DUOX2: variants seen among roughly 807,000 people sequenced by gnomAD.
DUOX2 encodes the protein NADH/NADPH thyroid oxidase p138-tox.
Under a neutral mutation model 183.3 loss-of-function variants are expected in DUOX2, and 185 were observed. The ratio of observed to expected loss-of-function variants is 1.01; its 90% CI spans 0.90 to 1.14. DUOX2 has a LOEUF of 1.14. DUOX2 is among the 50% of genes most tolerant of loss of function. DUOX2 has a pLI of 0.00. For missense variants in DUOX2, 1,999 were observed against 2,022.9 expected (o/e 0.99, Z 0.23); for synonymous variants, 788 against 812.4 (o/e 0.97, Z 0.51).
intron 15 of DUOX2, 59 bp from the exon 16 acceptor site, chr15:45,106,700 G>A: frequency 2.5e-6 from 4 of 1,610,206 alleles, no homozygotes; most frequent in Non-Finnish European, 3.4e-6. Flanking sequence ...CTCCACTGTG[G>A]CTTAGGCTAT....
chr15:45,112,636 C>T lies in DUOX2; in HGVS notation c.243G>A (p.Pro81=), dbSNP rs369158930. The change falls in exon 4 of 34, where the codon CCG becomes CCA. Residue 81 remains proline (P), a synonymous_variant. Transcript: ENST00000389039. ...GCGTGGCTGCGTTGCTGAGCCGGCGCGGGTTGGGCAGCTGCGGCTCCTCCA... is the reference window on the plus strand; with the variant it reads ...GCGTGGCTGCGTTGCTGAGCCGGCGTGGGTTGGGCAGCTGCGGCTCCTCCA... The part of the protein sequence containing the change: ...QALEEPQLPN[P]RRLSNAATRG... 2,617 of 1,612,836 alleles carry T rather than the reference C, an allele frequency of 1.6e-3. 49 individuals are homozygous for T. In the South Asian group the frequency reaches 0.021, roughly 13 times the overall value.
At position 45,105,797 on chromosome 15, in the gene DUOX2, C is replaced by G. The variant is rs988738888; in HGVS notation, c.2180G>C (p.Gly727Ala). 1 of 1,614,182 alleles carries G rather than the reference C, an allele frequency of 6.2e-7. No individual in the cohort carries two copies. The highest frequency in any genetic ancestry group is 8.5e-7 in the Non-Finnish European group (1 of 1,180,024). Reference sequence around the variant, plus strand: ...GTCCCATAGCTGCTGCACAAAGGCGCCCCGTTCCTCTTCAGAACTAAACAG... The same window carrying G: ...GTCCCATAGCTGCTGCACAAAGGCGGCCCGTTCCTCTTCAGAACTAAACAG... ...VLLFSSEEERGAFVQQLWDFC... is the reference protein window; with the variant it reads ...VLLFSSEEERAAFVQQLWDFC... Residue 727 changes from glycine (G) to alanine (A), a missense_variant, in exon 18 of 34, where the codon GGC becomes GCC. Physicochemically the swap from Gly to Ala is moderately conservative, Grantham distance 60. Transcript: ENST00000389039.
In DUOX2 at chr15:45,105,844, G is replaced by A. The variant is rs758603055; in HGVS notation, c.2149-16C>T. The A allele has an allele frequency of 1.2e-6, 2 of 1,613,782 alleles. No individual in the cohort carries two copies. Among genetic ancestry groups the A allele is most frequent in the Middle Eastern group, 1.6e-4 (1 of 6,062 alleles). The stretch of plus-strand genomic sequence containing the variant: ...ACAGCAGCACCTGGGTGGGAGGAAG[G>A]CGGCACTGACGCAGGGAGCTCGCTG... On this transcript the variant is annotated splice_polypyrimidine_tract_variant and intron_variant, in intron 17 of 33. Transcript: ENST00000389039.
In DUOX2 at chr15:45,113,608, C is replaced by T. The variant is rs201376578; in HGVS notation, c.-14-183G>A. Among the ~76,000 whole-genome samples, 18 of 152,310 alleles carry T rather than the reference C, an allele frequency of 1.2e-4. No homozygotes were observed. The East Asian group carries it at 1.4e-3, about 11-fold the overall frequency. On this transcript the variant is annotated intron_variant, in intron 1 of 33. Transcript: ENST00000389039. ...CATCCAAACGCCACTCTTTCCAGGA[C>T]AATTGGCAGCTCTGGAGGCATTGAC...
chr15:45,099,764 G>A lies in DUOX2; in HGVS notation c.3313C>T (p.Leu1105Phe), dbSNP rs139115517. 45 of 1,614,234 alleles carry A rather than the reference G, an allele frequency of 2.8e-5. No homozygotes were observed. In the African/African-American group the frequency reaches 5.7e-4, roughly 21 times the overall value. ...AAAGTCTCTCGCAGGAAGGTTATGA[G>A]GTTGCGGCACATGGTGAGCAAGATA... ...SYILLTMCRN[L>F]ITFLRETFLN... Residue 1105 changes from leucine (L) to phenylalanine (F), a missense_variant, in exon 25 of 34, where the codon CTC becomes TTC. Leu to Phe is a conservative substitution (Grantham distance 22, BLOSUM62 0). Coordinates refer to ENST00000389039, the MANE Select transcript of DUOX2 (RefSeq NM_001363711.2).
In DUOX2 at chr15:45,098,000, G is replaced by T; in HGVS notation, c.3565+9C>A. The T allele has an allele frequency of 6.2e-7, 1 of 1,613,960 alleles. No individual in the cohort carries two copies. Among genetic ancestry groups the T allele is most frequent in the Non-Finnish European group, 8.5e-7 (1 of 1,179,832 alleles). ...CTCAGACAGAACCCCCAGGTCCCAC[G>T]TTTCCTACCTGGGACGGTCTGGAAG... On this transcript the variant is annotated intron_variant, in intron 27 of 33. Coordinates refer to ENST00000389039, the MANE Select transcript of DUOX2 (RefSeq NM_001363711.2).
chr15:45,100,211 G>A lies in DUOX2; in HGVS notation c.3023C>T (p.Pro1008Leu). 2 of 1,613,792 alleles carry A rather than the reference G, an allele frequency of 1.2e-6. No individual in the cohort carries two copies. Among genetic ancestry groups the A allele is most frequent in the Non-Finnish European group, 1.7e-6 (2 of 1,179,980 alleles). The change falls in exon 24 of 34, where the codon CCC becomes CTC. Residue 1008 changes from proline to leucine, a missense_variant. Pro to Leu is a moderately conservative substitution (Grantham distance 98). This residue lies in a region of DUOX2 where 1,628 missense variants were observed against 1,608.6 expected (regional missense o/e 1.01). Transcript: ENST00000389039. ...RFGKKAAVPT[P>L]RLYTEALQEK... Reference sequence around the variant, plus strand: ...TTGCAGCGCCTCTGTGTACAGCCGGGGAGTGGGCACTGCTGCCCTATAGCA... The same window carrying A: ...TTGCAGCGCCTCTGTGTACAGCCGGAGAGTGGGCACTGCTGCCCTATAGCA...
At chr15:45,094,794 C>G in intron 32 of DUOX2, 103 bp from the exon 33 acceptor site, 2 of 1,596,742 alleles carry the variant, frequency 1.3e-6, no homozygotes, top group Non-Finnish European at 1.7e-6. Context: ...GGGGAGGGAG[C>G]TGGAGGCTGA....
chr15:45,101,968 G>C lies in DUOX2; in HGVS notation c.2676C>G (p.Asn892Lys). Residue 892 changes from asparagine to lysine, a missense_variant, in exon 21 of 34, where the codon AAC becomes AAG. Physicochemically the swap from Asn to Lys is moderately conservative, Grantham distance 94. Around this residue, in one of 3 missense-constraint regions of DUOX2, gnomAD observed 1,628 missense variants for 1,608.6 expected, o/e 1.01. Coordinates refer to ENST00000389039, the MANE Select transcript of DUOX2 (RefSeq NM_001363711.2). Reference sequence around the variant, plus strand: ...CCAGCTGGGCCTTGGACAGGCAGTTGTTGGAGATCTCGATGAAGGATCTGG... The same window carrying C: ...CCAGCTGGGCCTTGGACAGGCAGTTCTTGGAGATCTCGATGAAGGATCTGG... ...TMMRSFIEIS[N>K]NCLSKAQLAE... 1 of 1,614,228 alleles carries C rather than the reference G, an allele frequency of 6.2e-7. No homozygotes were observed. Among genetic ancestry groups the C allele is most frequent in the South Asian group, 1.1e-5 (1 of 91,084 alleles).
chr15:45,111,466 G>A lies in DUOX2; in HGVS notation c.633C>T (p.Phe211=), dbSNP rs35157799. 1.1e-3 allele frequency: 1,637 copies of A among 1,549,276 alleles called. 27 individuals carry two copies. Among genetic ancestry groups the A allele is most frequent in the African/African-American group, 7.0e-3 (506 of 72,350 alleles). The change falls in exon 6 of 34, where the codon TTC becomes TTT. Residue 211 remains phenylalanine, a synonymous_variant. Coordinates refer to ENST00000389039, the MANE Select transcript of DUOX2 (RefSeq NM_001363711.2). ...GCAGGGGGTTCTGCGAGTCTCGGGG[G>A]AAAGCGGGGTCGGGCCCCGACGCCA... The part of the protein sequence containing the change: ...GQLASGPDPA[F]PRDSQNPLLM...
At position 45,093,041 on chromosome 15, in the gene DUOX2, C is replaced by T. The variant is rs984267399; in HGVS notation, c.*1109G>A. 4.6e-5 allele frequency: 7 copies of T among 152,274 alleles called. No homozygotes were observed. Among genetic ancestry groups the T allele is most frequent in the African/African-American group, 1.7e-4 (7 of 41,542 alleles). The allele number at this position is 152,274 out of a possible 1,614,324, so 9.4% of individuals were successfully genotyped here. ...AACATGTACATGATTATTTATTATA[C>T]CTCGATGTAAAATATTTTACAGCTC... is the stretch of plus-strand genomic sequence containing the variant. On this transcript the variant is annotated 3_prime_UTR_variant, in exon 34 of 34. Transcript: ENST00000389039.
At chr15:45,106,446 T>A in intron 16 of DUOX2, 82 bp downstream of exon 16, 1 of 1,588,832 alleles carries the variant, frequency 6.3e-7, no homozygotes. Flanking sequence ...TTCCTCTCAC[T>A]CTGTAACTTG....
intron 21 of DUOX2, 78 bp from the exon 22 acceptor site, chr15:45,101,352 C>A (rs527891359): frequency 3.4e-5 from 43 of 1,282,640 alleles, no homozygotes; most frequent in East Asian, 1.4e-4. Context: ...GCCCTCCTCC[C>A]TTCTGGGAAA....
At chr15:45,100,890 C>A (rs750118317) in intron 22 of DUOX2, 52 bp from the exon 23 acceptor site, 30 of 1,343,038 alleles carry the variant, frequency 2.2e-5, no homozygotes, top group South Asian at 1.1e-4. Context: ...GCCAGGAGAA[C>A]AACTCCCTGG....
chr15:45,109,502 C>G (rs765939722), intron 11 of DUOX2, 22 bp downstream of exon 11: 29 of 1,611,512 alleles, frequency 1.8e-5, no homozygotes, highest in Admixed American at 1.0e-4. Flanking sequence ...TTACCATCCA[C>G]CCCTTCTGGC....
intron 26 of DUOX2, 45 bp from the exon 27 acceptor site, chr15:45,098,103 G>T (rs1893957244): frequency 4.5e-6 from 7 of 1,571,370 alleles, no homozygotes; most frequent in Admixed American, 1.7e-5. Context: ...GGCAGGAGGG[G>T]CTCCAGCACT....
rs562595411 is a variant in DUOX2 at position 45,110,652 on chromosome 15, G to A, written c.941C>T (p.Thr314Ile). 2 of 1,613,014 alleles carry A rather than the reference G, an allele frequency of 1.2e-6. No homozygotes were observed. Among genetic ancestry groups the A allele is most frequent in the African/African-American group, 2.7e-5 (2 of 75,006 alleles). Residue 314 changes from threonine to isoleucine, a missense_variant and splice_region_variant, in exon 8 of 34, where the codon ACA becomes ATA. This residue lies in a region of DUOX2 where 1,628 missense variants were observed against 1,608.6 expected (regional missense o/e 1.01). Transcript: ENST00000389039. ...GTCCTCCTTCCCCGCTCCCTCACCTGTATACTCCGGGAGTGTTTTCTGCAG... is the reference window on the plus strand; with the variant it reads ...GTCCTCCTTCCCCGCTCCCTCACCTATATACTCCGGGAGTGTTTTCTGCAG... ...SFLQKTLPEY[T>I]GYRPFLDPSI...
At chr15:45,112,041 GCCAAAAGACAGAGGTC>G in intron 4 of DUOX2, 86 bp from the exon 5 acceptor site, 1 of 1,527,832 alleles carries the variant, frequency 6.5e-7, no homozygotes, top group Non-Finnish European at 8.9e-7. Context: ...GTCCTCAGGA[GCCAAAAGACAGAGGTC>G]CCAGTGCCAG....
Position 45,108,870 on chromosome 15 carries a change from G to C in DUOX2, c.1317C>G (p.Pro439=), listed in dbSNP as rs755292404. The C allele has an allele frequency of 5.6e-6, 9 of 1,614,214 alleles. No individual in the cohort carries two copies. In the Admixed American group the frequency reaches 1.5e-4, roughly 27 times the overall value. ...AGGCCAGCAGGGCCTGGCTATAGCT[G>C]GGCAGCCCCATATCTCGGCCACGTT... ...SIQRGRDMGL[P]SYSQALLAFG... is the part of the protein sequence containing the mutation. The change falls in exon 12 of 34, where the codon CCC becomes CCG. Residue 439 remains proline (P), a synonymous_variant. Transcript: ENST00000389039.
Sources: gnomAD v4.1 joint callset for allele counts (sites outside exome capture counted in the v4.1 genomes callset) on GRCh38, gnomAD v4.1.1 for gene constraint, gnomAD v4.1.1 regional missense constraint, MANE v1.5 for transcripts, NCBI Gene and HGNC (gene_info 2026-07-23, HGNC 2026-07-21) for gene names.